CNTN4: variants seen among roughly 807,000 people sequenced by gnomAD.
CNTN4 encodes contactin 4, also known as contactin-4.
In CNTN4, 77 loss-of-function variants were observed where a neutral mutation model predicts 122.5. The observed-to-expected ratio is 0.63, with a 90% confidence interval of 0.52 to 0.76. The LOEUF is 0.76. Ranked by LOEUF, CNTN4 falls within the 30% of genes least tolerant of loss-of-function variation. The pLI, the probability that CNTN4 is intolerant of heterozygous loss-of-function variation, is 0.00. For synonymous variants in CNTN4, 512 were observed against 447.0 expected (o/e 1.15, Z -1.83); for missense variants, 1,256 against 1,259.1 (o/e 1.00, Z 0.04).
intron 3 of CNTN4, among the ~76,000 whole-genome samples, chr3:2,354,267 A>G (rs2150479298): frequency 6.6e-6 from 1 of 152,326 alleles, no homozygotes; most frequent in South Asian, 2.1e-4. Flanking sequence ...ATGGTGGCTC[A>G]TGCCTGTAAT....
intron 13 of CNTN4, among the ~76,000 whole-genome samples, chr3:2,933,485 G>A (rs1452617010): frequency 6.6e-6 from 1 of 152,182 alleles, no homozygotes; most frequent in African/African-American, 2.4e-5. Context: ...TGAAATTACA[G>A]CTATCGGTCT....
Position 2,639,950 on chromosome 3 carries a change from G to T in CNTN4, c.55+68392G>T, listed in dbSNP as rs142894049. Among the ~76,000 whole-genome samples the T allele has an allele frequency of 5.5e-4, 84 of 152,236 alleles. 1 individual carries two copies. The East Asian group carries it at 0.015, about 27-fold the overall frequency. ...CTTTCCCCGTGCTAGGGCTAGAACT[G>T]TCAAAAAGGCACATAATACACATTT... On this transcript the variant is annotated intron_variant, in intron 4 of 24. Coordinates refer to ENST00000418658, the MANE Select transcript of CNTN4 (RefSeq NM_175607.3).
At chr3:2,433,971 TAG>T (rs1403789057) in intron 3 of CNTN4, among the ~76,000 whole-genome samples, 1 of 151,956 alleles carries the variant, frequency 6.6e-6, no homozygotes, top group African/African-American at 2.4e-5. Flanking sequence ...CTCATAGAAG[TAG>T]AGAGTGATGG....
At chr3:2,767,196 T>C (rs553401767) in intron 6 of CNTN4, among the ~76,000 whole-genome samples, 1 of 152,356 alleles carries the variant, frequency 6.6e-6, no homozygotes, top group South Asian at 2.1e-4. Context: ...CTTCACACTT[T>C]AGAGCTAAAC....
rs1320229653 is a variant in CNTN4 at position 2,270,105 on chromosome 3, G to A, written c.-144-69073G>A. Among the ~76,000 whole-genome samples, 38 of 91,534 alleles carry A rather than the reference G, an allele frequency of 4.2e-4. 8 individuals carry two copies. The East Asian group carries it at 9.2e-3, about 22-fold the overall frequency. 60.0% of individuals were successfully genotyped at this position (91,534 alleles called of 152,430 possible). ...GCTGGGACTACAGGCGCCCGCCACC[G>A]CGCCCGGCTAATTTTTTGTATTTTT... is the stretch of plus-strand genomic sequence containing the variant. On this transcript the variant is annotated intron_variant, in intron 2 of 24. Transcript: ENST00000418658.
intron 3 of CNTN4, among the ~76,000 whole-genome samples, chr3:2,542,150 T>G (rs1369037254): frequency 6.6e-6 from 1 of 152,080 alleles, no homozygotes; most frequent in African/African-American, 2.4e-5. Context: ...TAACAGCTGG[T>G]TAAATTATGT....
At chr3:2,734,899 A>G (rs1336219634) in intron 4 of CNTN4, among the ~76,000 whole-genome samples, 1 of 152,188 alleles carries the variant, frequency 6.6e-6, no homozygotes, top group African/African-American at 2.4e-5. Flanking sequence ...TATTTAATAT[A>G]ACTTTACATC....
intron 3 of CNTN4, among the ~76,000 whole-genome samples, chr3:2,507,620 A>G (rs917283279): frequency 2.8e-4 from 42 of 151,728 alleles, no homozygotes; most frequent in African/African-American, 9.9e-4. Flanking sequence ...CTGTAATCCC[A>G]GCTACTCGGG....
chr3:2,497,660 G>A (rs2076488220), intron 3 of CNTN4, among the ~76,000 whole-genome samples: 1 of 152,142 alleles, frequency 6.6e-6, no homozygotes, highest in Admixed American at 6.6e-5. Flanking sequence ...GATTGGTGAT[G>A]TGAACTTATT....
At chr3:2,176,402 G>A (rs1243586619) in intron 2 of CNTN4, among the ~76,000 whole-genome samples, 1 of 152,008 alleles carries the variant, frequency 6.6e-6, no homozygotes, top group Admixed American at 6.6e-5. Flanking sequence ...CCTAAGATTA[G>A]CTTTTGTTTT....
intron 4 of CNTN4, among the ~76,000 whole-genome samples, chr3:2,602,766 T>C (rs759281240): frequency 3.9e-4 from 60 of 152,310 alleles, no homozygotes; most frequent in South Asian, 2.1e-3. Context: ...TTACAAGCAT[T>C]ATATGGTAAT....
chr3:2,638,526 A>G (rs979024630), intron 4 of CNTN4, among the ~76,000 whole-genome samples: 2 of 152,152 alleles, frequency 1.3e-5, no homozygotes, highest in Non-Finnish European at 2.9e-5. Context: ...ACATTCAGAC[A>G]TGTCATTAGC....
chr3:2,245,372 C>T lies in CNTN4; in HGVS notation c.-144-93806C>T, dbSNP rs116000040. On this transcript the variant is annotated intron_variant, in intron 2 of 24. Transcript: ENST00000418658. Reference sequence around the variant, plus strand: ...GAGTAGCTACTTTGTGCCAGTTATTCATTCTGGCAATAAGACGAATAATAC... The same window carrying T: ...GAGTAGCTACTTTGTGCCAGTTATTTATTCTGGCAATAAGACGAATAATAC... Among the ~76,000 whole-genome samples the T allele has an allele frequency of 7.5e-3, 1,134 of 152,102 alleles. 17 individuals carry two copies. The highest frequency in any genetic ancestry group is 0.026 in the African/African-American group (1,079 of 41,512).
intron 6 of CNTN4, among the ~76,000 whole-genome samples, chr3:2,779,299 C>T (rs935126977): frequency 6.6e-6 from 1 of 152,106 alleles, no homozygotes; most frequent in Non-Finnish European, 1.5e-5. Context: ...GACAGGGTCA[C>T]TCTGTCGCCC....
intron 4 of CNTN4, among the ~76,000 whole-genome samples, chr3:2,710,570 C>T (rs575451536): frequency 6.6e-6 from 1 of 152,074 alleles, no homozygotes; most frequent in Non-Finnish European, 1.5e-5. Context: ...TAAAAGGTGT[C>T]AATTGCATTT....
At chr3:2,321,095 G>T (rs2043262028) in intron 2 of CNTN4, among the ~76,000 whole-genome samples, 1 of 152,116 alleles carries the variant, frequency 6.6e-6, no homozygotes, top group Non-Finnish European at 1.5e-5. Flanking sequence ...TTTGGGCTCT[G>T]TTCAAAGCAG....
chr3:2,191,528 G>A (rs1407870650), intron 2 of CNTN4, among the ~76,000 whole-genome samples: 3 of 151,986 alleles, frequency 2.0e-5, no homozygotes, highest in Middle Eastern at 6.8e-3. Flanking sequence ...ATGTGGTGCC[G>A]CCACTAGGTT....
chr3:2,710,023 T>A (rs1195781950), intron 4 of CNTN4, among the ~76,000 whole-genome samples: 2 of 152,214 alleles, frequency 1.3e-5, no homozygotes, highest in South Asian at 4.1e-4. Flanking sequence ...ATGTCATTAG[T>A]TTTCCTCTTG....
intron 2 of CNTN4, among the ~76,000 whole-genome samples, chr3:2,223,569 T>C (rs2039146762): frequency 6.6e-6 from 1 of 152,174 alleles, no homozygotes; most frequent in Non-Finnish European, 1.5e-5. Context: ...AGAAAAGAGT[T>C]GACAGAGTAG....
Sources: allele counts gnomAD v4.1 joint callset (sites outside exome capture counted in the v4.1 genomes callset), GRCh38; gene constraint gnomAD v4.1.1; transcripts MANE v1.5; gene names NCBI Gene and HGNC (gene_info 2026-07-23, HGNC 2026-07-21).